LHFPL3: variants seen among roughly 807,000 people sequenced by gnomAD.
The protein encoded by LHFPL3 is LHFPL tetraspan subfamily member 3, also known as LHFPL tetraspan subfamily member 3 protein.
A neutral mutation model predicts 19.3 loss-of-function variants in LHFPL3; 5 were observed. The ratio of observed to expected loss-of-function variants is 0.26; its 90% confidence interval spans 0.14 to 0.54. The LOEUF (loss-of-function observed/expected upper bound fraction) is 0.54. Ranked by LOEUF, LHFPL3 falls within the 20% of genes least tolerant of loss-of-function variation. The pLI is 0.94. For missense variants in LHFPL3, 249 were observed against 307.4 expected (o/e 0.81, Z 1.42); for synonymous variants, 133 against 126.2 (o/e 1.05, Z -0.36).
chr7:104,753,705 A>G (rs575589751), intron 2 of LHFPL3, among the ~76,000 whole-genome samples: 1 of 148,300 alleles, frequency 6.7e-6, no homozygotes, highest in African/African-American at 2.6e-5. Context: ...AATCAATAAG[A>G]AAAAAAAAAG....
chr7:104,902,216 T>C (rs1311147952), intron 2 of LHFPL3, among the ~76,000 whole-genome samples: 2 of 151,548 alleles, frequency 1.3e-5, no homozygotes, highest in African/African-American at 2.4e-5. Flanking sequence ...CCCATCTCTA[T>C]AAAAAAAAAT....
At chr7:104,659,988 T>C (rs1235648218) in intron 1 of LHFPL3, among the ~76,000 whole-genome samples, 1 of 143,268 alleles carries the variant, frequency 7.0e-6, no homozygotes, top group Non-Finnish European at 1.5e-5. Flanking sequence ...AGCCCTCCAG[T>C]TTGCCACAGC....
At chr7:104,585,584 G>C (rs1283375967) in intron 1 of LHFPL3, among the ~76,000 whole-genome samples, 1 of 151,384 alleles carries the variant, frequency 6.6e-6, no homozygotes, top group Non-Finnish European at 1.5e-5. Context: ...GATTTGGGCA[G>C]GCTATATTGT....
intron 1 of LHFPL3, among the ~76,000 whole-genome samples, chr7:104,591,826 T>C (rs1014286972): frequency 6.6e-6 from 1 of 152,198 alleles, no homozygotes; most frequent in Non-Finnish European, 1.5e-5. Context: ...TTTTACTCTT[T>C]TTTCTCTAAA....
chr7:104,777,321 C>A (rs1007274781), intron 2 of LHFPL3, among the ~76,000 whole-genome samples: 9 of 152,154 alleles, frequency 5.9e-5, no homozygotes, highest in African/African-American at 2.2e-4. Context: ...TGCTTAAGTG[C>A]TTGTTGTTTT....
At chr7:104,715,188 G>T (rs1266548537) in intron 1 of LHFPL3, among the ~76,000 whole-genome samples, 1 of 152,092 alleles carries the variant, frequency 6.6e-6, no homozygotes, top group African/African-American at 2.4e-5. Context: ...ACTCTAACCT[G>T]AACGACAGAG....
chr7:104,363,587 G>A (rs1461972537), intron 1 of LHFPL3, among the ~76,000 whole-genome samples: 2 of 152,240 alleles, frequency 1.3e-5, no homozygotes, highest in Non-Finnish European at 2.9e-5. Context: ...GGCTGAGACA[G>A]GTGAGGTATC....
chr7:104,791,673 A>G (rs1790027210), intron 2 of LHFPL3, among the ~76,000 whole-genome samples: 1 of 152,158 alleles, frequency 6.6e-6, no homozygotes, highest in African/African-American at 2.4e-5. Context: ...GGGAATCTCA[A>G]CTTCTTTGAG....
At chr7:104,770,971 C>T (rs969175309) in intron 2 of LHFPL3, among the ~76,000 whole-genome samples, 4 of 152,146 alleles carry the variant, frequency 2.6e-5, no homozygotes, top group African/African-American at 9.7e-5. Flanking sequence ...TGATGAATCC[C>T]CGCAAGCCCC....
chr7:104,548,336 T>C (rs934126859), intron 1 of LHFPL3, among the ~76,000 whole-genome samples: 2 of 152,142 alleles, frequency 1.3e-5, no homozygotes, highest in South Asian at 2.1e-4. Context: ...AAATGGAGAG[T>C]TTGAGTAAAC....
chr7:104,388,828 T>C (rs1791001421), intron 1 of LHFPL3, among the ~76,000 whole-genome samples: 1 of 78,436 alleles, frequency 1.3e-5, no homozygotes, highest in Admixed American at 1.3e-4. Context: ...AACCCCCTTT[T>C]ATGGTGGAAA....
chr7:104,506,141 C>G (rs1489377740), intron 1 of LHFPL3, among the ~76,000 whole-genome samples: 1 of 151,990 alleles, frequency 6.6e-6, no homozygotes, highest in Non-Finnish European at 1.5e-5. Flanking sequence ...CTCAGCCTCC[C>G]GAGTAGCTGG....
At chr7:104,853,719 G>A (rs1791452214) in intron 2 of LHFPL3, among the ~76,000 whole-genome samples, 1 of 152,140 alleles carries the variant, frequency 6.6e-6, no homozygotes, top group Admixed American at 6.5e-5. Flanking sequence ...ACCTTTAATG[G>A]CACTTTTTCC....
chr7:104,717,524 C>T (rs1167508766), intron 1 of LHFPL3, among the ~76,000 whole-genome samples: 3 of 152,068 alleles, frequency 2.0e-5, no homozygotes, highest in African/African-American at 7.2e-5. Flanking sequence ...CAAAAGAAGA[C>T]ATACAAGTGG....
intron 1 of LHFPL3, among the ~76,000 whole-genome samples, chr7:104,687,798 G>A (rs571682088): frequency 6.6e-6 from 1 of 152,304 alleles, no homozygotes; most frequent in East Asian, 1.9e-4. Flanking sequence ...CCTATCTAGA[G>A]TTTAGGTAAA....
chr7:104,880,942 G>A (rs529655085), intron 2 of LHFPL3, among the ~76,000 whole-genome samples: 48 of 152,208 alleles, frequency 3.2e-4, no homozygotes, highest in African/African-American at 9.9e-4. Context: ...AGGCCAAGGC[G>A]GGTGAATCAC....
intron 1 of LHFPL3, among the ~76,000 whole-genome samples, chr7:104,412,930 T>C (rs368327300): frequency 1.3e-5 from 2 of 152,160 alleles, no homozygotes; most frequent in East Asian, 1.9e-4. Flanking sequence ...AGCATGCCTG[T>C]TTACAAGGAA....
chr7:104,579,883 G>A (rs982234420), intron 1 of LHFPL3, among the ~76,000 whole-genome samples: 2 of 152,174 alleles, frequency 1.3e-5, no homozygotes, highest in Non-Finnish European at 2.9e-5. Context: ...CCTAGAGCTA[G>A]AGCTTGCTCC....
chr7:104,438,476 C>T (rs373506480), intron 1 of LHFPL3, among the ~76,000 whole-genome samples: 6 of 152,078 alleles, frequency 3.9e-5, no homozygotes, highest in Admixed American at 1.3e-4. Flanking sequence ...AAAAATAATT[C>T]TTTATGAATT....
Sources: allele counts gnomAD v4.1 joint callset (sites outside exome capture counted in the v4.1 genomes callset), GRCh38; gene constraint gnomAD v4.1.1; transcripts MANE v1.5; gene names NCBI Gene and HGNC (gene_info 2026-07-23, HGNC 2026-07-21).